ARHGAP25: variants seen among roughly 807,000 people sequenced by gnomAD.
ARHGAP25 encodes Rho GTPase activating protein 25, also known as rho GTPase-activating protein 25.
Under a neutral mutation model 71.0 loss-of-function variants are expected in ARHGAP25, and 34 were observed. The ratio of observed to expected loss-of-function variants is 0.48; its 90% CI spans 0.36 to 0.64. The LOEUF (loss-of-function observed/expected upper bound fraction) is 0.64. Ranked by LOEUF, ARHGAP25 falls within the 30% of genes least tolerant of loss-of-function variation. The pLI is 0.00. For missense variants in ARHGAP25, 706 were observed against 805.1 expected (o/e 0.88, Z 1.49); for synonymous variants, 282 against 296.5 (o/e 0.95, Z 0.50).
intron 2 of ARHGAP25, chr2:68,775,888 A>G (rs1677861407): frequency 6.0e-6 from 2 of 335,906 alleles, no homozygotes; most frequent in Non-Finnish European, 1.2e-5. Context: ...GTGGAGGAAA[A>G]GACACATAAA....
At chr2:68,799,500 C>T (rs947564507) in intron 4 of ARHGAP25, among the ~76,000 whole-genome samples, 7 of 152,206 alleles carry the variant, frequency 4.6e-5, no homozygotes, top group Admixed American at 4.6e-4. Flanking sequence ...GGGCTGGCTT[C>T]ATAAACGCTA....
At position 68,782,040 on chromosome 2, in the gene ARHGAP25, G is replaced by C. The variant is rs115610209; in HGVS notation, c.262-193G>C. On this transcript the variant is annotated intron_variant, in intron 2 of 10. Transcript: ENST00000409202. ...TTCTCTGGGCACCTGATTTGCTCTGGAATAGCTGCCCTTTGATTTGCCCAA... is the reference window on the plus strand; with the variant it reads ...TTCTCTGGGCACCTGATTTGCTCTGCAATAGCTGCCCTTTGATTTGCCCAA... Among the ~76,000 whole-genome samples the C allele has an allele frequency of 3.0e-3, 452 of 152,244 alleles. 1 individual carries two copies. The highest frequency in any genetic ancestry group is 0.01 in the African/African-American group (435 of 41,538).
chr2:68,725,167 G>A (rs1364079769), intron 2 of ARHGAP25, among the ~76,000 whole-genome samples: 1 of 152,146 alleles, frequency 6.6e-6, no homozygotes, highest in Non-Finnish European at 1.5e-5. Context: ...GCACAATCAT[G>A]CGCAGTGAGC....
rs1674832089 is a variant in ARHGAP25, at chr2:68,724,282, A to G, written c.-18+13584A>G. 2.6e-5 allele frequency among the ~76,000 whole-genome samples: 4 copies of G among 152,248 alleles called. No homozygotes were observed. In the South Asian group the frequency reaches 8.3e-4, roughly 32 times the overall value. On this transcript the variant is annotated intron_variant and NMD_transcript_variant, in intron 2 of 7. Transcript: ENST00000463483. ...ACACTGGACTGGCCCTGAACTCTCC[A>G]GGTGTTAAGGAGCTGACATTTTCCC...
intron 2 of ARHGAP25, among the ~76,000 whole-genome samples, chr2:68,725,556 C>T (rs1411003361): frequency 6.6e-6 from 1 of 151,940 alleles, no homozygotes; most frequent in Non-Finnish European, 1.5e-5. Flanking sequence ...GTTTAGAATT[C>T]CTGGGCTCAA....
At chr2:68,744,769 C>T (rs1428108596) in intron 1 of ARHGAP25, among the ~76,000 whole-genome samples, 1 of 152,190 alleles carries the variant, frequency 6.6e-6, no homozygotes, top group Non-Finnish European at 1.5e-5. Context: ...AGAGTGCCCG[C>T]GGACAATGCA....
intron 2 of ARHGAP25, among the ~76,000 whole-genome samples, chr2:68,726,360 C>T (rs1462675529): frequency 1.3e-5 from 2 of 152,154 alleles, no homozygotes; most frequent in African/African-American, 2.4e-5. Flanking sequence ...ATTAATGTAA[C>T]GTAATACAGA....
chr2:68,754,566 G>A (rs545920028), intron 1 of ARHGAP25, among the ~76,000 whole-genome samples: 3 of 152,288 alleles, frequency 2.0e-5, no homozygotes, highest in Non-Finnish European at 2.9e-5. Context: ...GTTTGTGTGA[G>A]CATAACGTTT....
chr2:68,721,858 C>A (rs935680958), intron 2 of ARHGAP25, among the ~76,000 whole-genome samples: 1 of 152,202 alleles, frequency 6.6e-6, no homozygotes, highest in African/African-American at 2.4e-5. Flanking sequence ...CTCTAGGTGT[C>A]GAGATTATAA....
At chr2:68,788,767 C>A (rs1487914643) in intron 4 of ARHGAP25, among the ~76,000 whole-genome samples, 1 of 152,112 alleles carries the variant, frequency 6.6e-6, no homozygotes, top group African/African-American at 2.4e-5. Flanking sequence ...CTCCAGATAA[C>A]CTTAAATATA....
chr2:68,732,916 G>A (rs1675061857), upstream of ARHGAP25, among the ~76,000 whole-genome samples: 1 of 152,222 alleles, frequency 6.6e-6, no homozygotes, highest in South Asian at 2.1e-4. Context: ...TTTAGTTTGA[G>A]ATGGCTACTA....
intron 1 of ARHGAP25, among the ~76,000 whole-genome samples, chr2:68,758,208 G>A (rs1030772002): frequency 3.9e-5 from 6 of 151,974 alleles, no homozygotes; most frequent in African/African-American, 1.4e-4. Flanking sequence ...GGACAAAAAA[G>A]CTGTAAGGTA....
chr2:68,727,390 A>C (rs1249417215), intron 2 of ARHGAP25, among the ~76,000 whole-genome samples: 1 of 152,252 alleles, frequency 6.6e-6, no homozygotes, highest in Non-Finnish European at 1.5e-5. Flanking sequence ...TATCAATACA[A>C]GTGTGACCAC....
At chr2:68,766,897 T>C (rs1346972848) in intron 1 of ARHGAP25, among the ~76,000 whole-genome samples, 2 of 152,182 alleles carry the variant, frequency 1.3e-5, no homozygotes, top group African/African-American at 2.4e-5. Flanking sequence ...GCAGAACACA[T>C]AGTTATTGGT....
At chr2:68,746,923 G>A (rs1023024022) in intron 1 of ARHGAP25, among the ~76,000 whole-genome samples, 3 of 150,230 alleles carry the variant, frequency 2.0e-5, no homozygotes, top group Non-Finnish European at 4.4e-5. Context: ...CAGGAGAATC[G>A]CTTGAACCCG....
intron 1 of ARHGAP25, among the ~76,000 whole-genome samples, chr2:68,768,883 T>A (rs1182247988): frequency 6.6e-6 from 1 of 152,234 alleles, no homozygotes; most frequent in Non-Finnish European, 1.5e-5. Flanking sequence ...CTTCCATGAA[T>A]GGGTCTCCCA....
chr2:68,819,651 G>A, intron 9 of ARHGAP25: 1 of 552,566 alleles, frequency 1.8e-6, no homozygotes, highest in Non-Finnish European at 3.2e-6. Flanking sequence ...CATTGTAAAT[G>A]TTTTGGTCAG....
chr2:68,794,314 G>C (rs1679391280), intron 4 of ARHGAP25, among the ~76,000 whole-genome samples: 1 of 152,084 alleles, frequency 6.6e-6, no homozygotes, highest in Admixed American at 6.5e-5. Flanking sequence ...TATTGAGTAG[G>C]AATGGTGAAA....
At chr2:68,784,688 T>C (rs1678619973) in intron 3 of ARHGAP25, among the ~76,000 whole-genome samples, 2 of 152,314 alleles carry the variant, frequency 1.3e-5, no homozygotes, top group African/African-American at 4.8e-5. Context: ...TTGTTACTCA[T>C]TTGTACGACA....
Sources: allele counts gnomAD v4.1 joint callset (sites outside exome capture counted in the v4.1 genomes callset), GRCh38; gene constraint gnomAD v4.1.1; transcripts MANE v1.5; gene names NCBI Gene and HGNC (gene_info 2026-07-23, HGNC 2026-07-21).